The following IL23R variants were observed in gnomAD, a reference collection of about 807,000 sequenced individuals.
IL23R encodes interleukin-23 receptor.
Under a neutral mutation model 56.9 loss-of-function variants are expected in IL23R, and 34 were observed. That is an observed-to-expected ratio of 0.60 (90% confidence interval 0.45 to 0.80). The LOEUF is 0.80. Among genes scored for constraint, IL23R ranks in the 30% least tolerant of loss-of-function variants. The pLI is 0.00. For synonymous variants in IL23R, 230 were observed against 249.2 expected (o/e 0.92, Z 0.73); for missense variants, 635 against 730.0 (o/e 0.87, Z 1.50).
At chr1:67,192,343 A>T (rs1647816181) in intron 4 of IL23R, among the ~76,000 whole-genome samples, 1 of 152,204 alleles carries the variant, frequency 6.6e-6, no homozygotes, top group South Asian at 2.1e-4. Context: ...CTTATCTCAG[A>T]CATGTAAGCA....
At chr1:67,212,578 C>A (rs567925350) in intron 6 of IL23R, among the ~76,000 whole-genome samples, 2 of 147,858 alleles carry the variant, frequency 1.4e-5, no homozygotes, top group Non-Finnish European at 3.0e-5. Context: ...CAGGGTCTTG[C>A]TCTACTGCCC....
At chr1:67,245,321 C>T (rs1246093082) in intron 9 of IL23R, among the ~76,000 whole-genome samples, 1 of 152,088 alleles carries the variant, frequency 6.6e-6, no homozygotes, top group Non-Finnish European at 1.5e-5. Flanking sequence ...GCCTGATTGC[C>T]CTGGCCAGAA....
At chr1:67,195,668 A>G (rs1396336948) in intron 4 of IL23R, among the ~76,000 whole-genome samples, 3 of 152,104 alleles carry the variant, frequency 2.0e-5, no homozygotes, top group Non-Finnish European at 4.4e-5. Context: ...GAAAAAATGC[A>G]CTGGAACCGA....
chr1:67,219,299 C>T (rs989539169), intron 6 of IL23R, among the ~76,000 whole-genome samples: 4 of 151,586 alleles, frequency 2.6e-5, no homozygotes, highest in African/African-American at 9.7e-5. Context: ...ACCCGGGAGG[C>T]GGAGGTTGCA....
intron 4 of IL23R, among the ~76,000 whole-genome samples, chr1:67,197,545 G>C (rs1245106586): frequency 6.6e-6 from 1 of 152,202 alleles, no homozygotes; most frequent in Non-Finnish European, 1.5e-5. Context: ...TGGAGTCTGA[G>C]GGGGGCCCTA....
chr1:67,234,159 TAAAAAGA>T (rs1381967809), intron 7 of IL23R, among the ~76,000 whole-genome samples: 1 of 152,216 alleles, frequency 6.6e-6, no homozygotes. Flanking sequence ...AAGTATAATT[TAAAAAGA>T]AATGACGTAG....
chr1:67,219,810 A>G, intron 7 of IL23R, 80 bp downstream of exon 7: 1 of 1,381,758 alleles, frequency 7.2e-7, no homozygotes, highest in East Asian at 2.3e-5. Context: ...TCACACCTAT[A>G]ATTCCAGCAC....
chr1:67,245,131 A>G (rs1283017873), intron 9 of IL23R, among the ~76,000 whole-genome samples: 4 of 152,188 alleles, frequency 2.6e-5, no homozygotes, highest in Non-Finnish European at 4.4e-5. Flanking sequence ...ATTGGCGTAT[A>G]GGAATGCTTC....
intron 1 of IL23R, among the ~76,000 whole-genome samples, chr1:67,142,165 T>G (rs1646644115): frequency 6.6e-6 from 1 of 152,198 alleles, no homozygotes; most frequent in South Asian, 2.1e-4. Context: ...GGGAATTGGT[T>G]TTTCTTACAT....
intron 1 of IL23R, among the ~76,000 whole-genome samples, chr1:67,158,531 G>C (rs181122592): frequency 1.9e-4 from 29 of 152,298 alleles, no homozygotes; most frequent in Admixed American, 1.4e-3. Flanking sequence ...TAGGAAAAGC[G>C]TGGCAACTCA....
At chr1:67,202,231 T>C (rs1218961932) in intron 5 of IL23R, among the ~76,000 whole-genome samples, 1 of 152,210 alleles carries the variant, frequency 6.6e-6, no homozygotes, top group East Asian at 1.9e-4. Context: ...AGGCAGAGTC[T>C]CACTCTGTGG....
intron 7 of IL23R, among the ~76,000 whole-genome samples, chr1:67,221,567 G>C (rs1331888309): frequency 1.3e-5 from 2 of 151,984 alleles, no homozygotes; most frequent in Non-Finnish European, 2.9e-5. Context: ...ATAGACTTCA[G>C]TTGAAGCACA....
At chr1:67,206,878 C>G (rs1649102359) in intron 5 of IL23R, 32 bp from the exon 6 acceptor site, 4 of 1,513,242 alleles carry the variant, frequency 2.6e-6, no homozygotes, top group African/African-American at 1.4e-5. Flanking sequence ...TTTTAAACAG[C>G]CAGGTCTTTT....
downstream of IL23R, among the ~76,000 whole-genome samples, chr1:67,261,169 C>T (rs1056802220): frequency 6.6e-6 from 1 of 151,320 alleles, no homozygotes. Context: ...CCCAGTTTGC[C>T]CTGGTTTCTG....
chr1:67,181,440 G>A (rs1051434299), intron 3 of IL23R, among the ~76,000 whole-genome samples: 1 of 152,164 alleles, frequency 6.6e-6, no homozygotes, highest in Non-Finnish European at 1.5e-5. Context: ...GCTGAGGCTT[G>A]TGCATTCATC....
chr1:67,181,280 T>G (rs139277543), intron 3 of IL23R, among the ~76,000 whole-genome samples: 3,162 of 152,298 alleles, frequency 0.021, 98 homozygotes, highest in African/African-American at 0.072. Context: ...CAATCAGACA[T>G]AGATTTGGTC....
chr1:67,175,590 T>C (rs1051251643), intron 3 of IL23R, among the ~76,000 whole-genome samples: 3 of 152,212 alleles, frequency 2.0e-5, no homozygotes, highest in African/African-American at 7.2e-5. Context: ...GCAATGTTTT[T>C]CCTTTAGGGT....
chr1:67,199,122 G>A (rs981546640), intron 4 of IL23R, among the ~76,000 whole-genome samples: 3 of 152,124 alleles, frequency 2.0e-5, no homozygotes, highest in Middle Eastern at 3.2e-3. Flanking sequence ...CTCACTATAT[G>A]CACTCACTTT....
At chr1:67,165,594 T>C (rs1646865465), upstream of IL23R, among the ~76,000 whole-genome samples, 1 of 152,038 alleles carries the variant, frequency 6.6e-6, no homozygotes, top group South Asian at 2.1e-4. Flanking sequence ...GAATAATTGG[T>C]AAAGAATCTG....
Sources: allele counts gnomAD v4.1 joint callset (sites outside exome capture counted in the v4.1 genomes callset), GRCh38; gene constraint gnomAD v4.1.1; transcripts MANE v1.5; gene names NCBI Gene and HGNC (gene_info 2026-07-23, HGNC 2026-07-21).